ADORA2B: variants seen among roughly 807,000 people sequenced by gnomAD.
The protein encoded by ADORA2B is adenosine A2b receptor, also known as adenosine receptor A2b.
A neutral mutation model predicts 20.8 loss-of-function variants in ADORA2B; 18 were observed. The observed-to-expected ratio is 0.87, with a 90% CI of 0.60 to 1.29. ADORA2B has a LOEUF of 1.29. Ranked by LOEUF, ADORA2B falls within the 50% of genes most tolerant of loss-of-function variation. The pLI, the probability that ADORA2B is intolerant of heterozygous loss-of-function variation, is 0.00. For missense variants in ADORA2B, 441 were observed against 422.7 expected (o/e 1.04, Z -0.38); for synonymous variants, 179 against 178.3 (o/e 1.00, Z -0.03).
At chr17:15,912,194 G>A in the ADORA2B span, among the ~76,000 whole-genome samples, 9 of 138,594 alleles carry the variant, frequency 6.5e-5, no homozygotes, top group South Asian at 1.9e-3. Context: ...CAGCCTGGGT[G>A]ACAGAATAAG....
upstream of ADORA2B, chr17:15,944,991 G>T (rs1176660745): frequency 2.5e-5 from 7 of 276,748 alleles, no homozygotes; most frequent in Non-Finnish European, 4.7e-5. This position sits in a 1 kb window ranked among gnomAD's most constrained non-coding sequence, Gnocchi z 4.8. Context: ...GCGCGGGCGC[G>T]AACTTTGGGC....
At chr17:15,883,653 G>A in the ADORA2B span, among the ~76,000 whole-genome samples, 4 of 152,220 alleles carry the variant, frequency 2.6e-5, no homozygotes, top group African/African-American at 4.8e-5. Flanking sequence ...GGCACATGCC[G>A]TATGGTAGAG....
At chr17:15,944,922 A>C, upstream of ADORA2B, 1 of 190,642 alleles carries the variant, frequency 5.2e-6, no homozygotes, top group Non-Finnish European at 1.1e-5. This position sits in a 1 kb window ranked among gnomAD's most constrained non-coding sequence, Gnocchi z 4.8. Context: ...AGTTGGGGCA[A>C]TTTGTTAGTT....
At chr17:15,905,775 C>T in the ADORA2B span, among the ~76,000 whole-genome samples, 1 of 152,118 alleles carries the variant, frequency 6.6e-6, no homozygotes, top group Non-Finnish European at 1.5e-5. Flanking sequence ...CCTGCCTCAG[C>T]CTCCTGAGTA....
intron 1 of ADORA2B, 118 bp downstream of exon 1, chr17:15,945,701 G>C: frequency 9.9e-7 from 1 of 1,010,324 alleles, no homozygotes; most frequent in Non-Finnish European, 1.4e-6. Context: ...GGGGGCGCGC[G>C]GGGCGCTTGG....
the ADORA2B span, among the ~76,000 whole-genome samples, chr17:15,934,360 G>A: frequency 6.6e-6 from 1 of 152,106 alleles, no homozygotes; most frequent in Non-Finnish European, 1.5e-5. Flanking sequence ...CAAGTAGCTG[G>A]GACTACAGGT....
rs1362667836 is a variant in ADORA2B, at chr17:15,945,429, A to G, written c.181A>G (p.Ile61Val). 6.2e-7 allele frequency: 1 copy of G among 1,613,686 alleles called. No homozygotes were observed. Among genetic ancestry groups the G allele is most frequent in the Non-Finnish European group, 8.5e-7 (1 of 1,179,968 alleles). Residue 61 changes from isoleucine (I) to valine (V), a missense_variant, in exon 1 of 2, where the codon ATC (isoleucine) becomes GTC (valine). Physicochemically the swap from Ile to Val is conservative, Grantham distance 29. Coordinates refer to ENST00000304222, the MANE Select transcript of ADORA2B (RefSeq NM_000676.4). Reference sequence around the variant, plus strand: ...CGACGTGGCCGTGGGGCTCTTCGCCATCCCCTTTGCCATCACCATCAGCCT... The same window carrying G: ...CGACGTGGCCGTGGGGCTCTTCGCCGTCCCCTTTGCCATCACCATCAGCCT... Reference protein sequence around the residue: ...AADVAVGLFAIPFAITISLGF... With the variant: ...AADVAVGLFAVPFAITISLGF...
the ADORA2B span, among the ~76,000 whole-genome samples, chr17:15,882,252 G>A: frequency 6.6e-6 from 1 of 152,300 alleles, no homozygotes; most frequent in East Asian, 1.9e-4. Flanking sequence ...GCCCCCTGGA[G>A]GTGGTGGCCG....
At chr17:15,908,310 AG>A in the ADORA2B span, among the ~76,000 whole-genome samples, 2 of 152,338 alleles carry the variant, frequency 1.3e-5, no homozygotes, top group African/African-American at 4.8e-5. Flanking sequence ...AAGTGGCAGG[AG>A]GGCAGGTCTT....
At chr17:15,959,943 G>A (rs1257248032) in intron 1 of ADORA2B, among the ~76,000 whole-genome samples, 1 of 152,176 alleles carries the variant, frequency 6.6e-6, no homozygotes, top group Non-Finnish European at 1.5e-5. Flanking sequence ...CCTTTAATCT[G>A]AAAGAGTTCC....
At chr17:15,900,451 AT>A in the ADORA2B span, among the ~76,000 whole-genome samples, 1 of 151,416 alleles carries the variant, frequency 6.6e-6, no homozygotes, top group Admixed American at 6.6e-5. Flanking sequence ...TTTATTTTTT[AT>A]TTTTTATTTT....
At chr17:15,884,835 GC>G in the ADORA2B span, among the ~76,000 whole-genome samples, 1 of 152,136 alleles carries the variant, frequency 6.6e-6, no homozygotes, top group East Asian at 1.9e-4. Context: ...GGGCATTTGG[GC>G]TGATTCTGTG....
chr17:15,912,726 C>T, the ADORA2B span, among the ~76,000 whole-genome samples: 5 of 152,346 alleles, frequency 3.3e-5, no homozygotes, highest in Admixed American at 2.0e-4. Flanking sequence ...CACACAAACA[C>T]GCACGCACAC....
intron 1 of ADORA2B, among the ~76,000 whole-genome samples, chr17:15,950,617 T>C (rs1969887163): frequency 6.6e-6 from 1 of 152,202 alleles, no homozygotes; most frequent in African/African-American, 2.4e-5. Flanking sequence ...GGCCCCCAGC[T>C]GGACTCCTGC....
the ADORA2B span, among the ~76,000 whole-genome samples, chr17:15,877,520 C>T: frequency 1.3e-5 from 2 of 152,064 alleles, no homozygotes; most frequent in Admixed American, 1.3e-4. Context: ...TTCCAGTCTC[C>T]TGCTTGAGGG....
the ADORA2B span, among the ~76,000 whole-genome samples, chr17:15,904,953 T>C: frequency 3.0e-4 from 46 of 152,352 alleles, no homozygotes; most frequent in African/African-American, 1.0e-3. Context: ...TTGATTAATA[T>C]AGCATTATTA....
chr17:15,867,731 C>T, the ADORA2B span, among the ~76,000 whole-genome samples: 5 of 150,490 alleles, frequency 3.3e-5, no homozygotes, highest in South Asian at 6.3e-4. Flanking sequence ...CGCCTCTGCC[C>T]GGCCGCCCCT....
At chr17:15,970,184 G>A (rs905886081) in intron 1 of ADORA2B, among the ~76,000 whole-genome samples, 3 of 152,216 alleles carry the variant, frequency 2.0e-5, no homozygotes, top group African/African-American at 7.2e-5. Context: ...GGCAGTGATT[G>A]TGTTTCCAGT....
In ADORA2B at chr17:15,945,272, G is replaced by T; in HGVS notation, c.24G>T (p.Ala8=). The change falls in exon 1 of 2, where the codon GCG becomes GCT. Residue 8 remains alanine (A), a synonymous_variant. Coordinates refer to ENST00000304222, the MANE Select transcript of ADORA2B (RefSeq NM_000676.4). MLLETQD[A]LYVALELVIA... is the part of the protein sequence containing the mutation. The stretch of plus-strand genomic sequence containing the variant: ...CCATGCTGCTGGAGACACAGGACGC[G>T]CTGTACGTGGCGCTGGAGCTGGTCA... The T allele has an allele frequency of 6.6e-7, 1 of 1,506,962 alleles. No homozygotes were observed. The allele number at this position is 1,506,962 out of a possible 1,614,324, so 93.3% of individuals were successfully genotyped here.
Sources: allele counts gnomAD v4.1 joint callset (sites outside exome capture counted in the v4.1 genomes callset), GRCh38; gene constraint gnomAD v4.1.1; non-coding constraint Gnocchi (gnomAD v3.1); transcripts MANE v1.5; gene names NCBI Gene and HGNC (gene_info 2026-07-23, HGNC 2026-07-21).